Variants in MAF observed in about 807,000 individuals in gnomAD.
MAF encodes the protein MAF bZIP transcription factor, also known as transcription factor Maf.
In MAF, 10 loss-of-function variants were observed where a neutral mutation model predicts 22.0. That is an observed-to-expected ratio of 0.45 (90% CI 0.28 to 0.77). MAF has a LOEUF of 0.77. Ranked by LOEUF, MAF falls within the 30% of genes least tolerant of loss-of-function variation. MAF has a pLI of 0.12. For synonymous variants in MAF, 337 were observed against 255.8 expected (o/e 1.32, Z -3.03); for missense variants, 544 against 548.4 (o/e 0.99, Z 0.08).
At chr16:79,298,075 C>T in the MAF span, among the ~76,000 whole-genome samples, 3 of 152,222 alleles carry the variant, frequency 2.0e-5, no homozygotes, top group African/African-American at 7.2e-5. Flanking sequence ...AATGTCAAGG[C>T]AATGACAGCA....
the MAF span, among the ~76,000 whole-genome samples, chr16:79,522,732 T>C: frequency 1.3e-5 from 2 of 152,196 alleles, no homozygotes; most frequent in South Asian, 2.1e-4. Flanking sequence ...TGGATTGAGA[T>C]CAATCCAACG....
At chr16:79,426,138 G>A in the MAF span, among the ~76,000 whole-genome samples, 1 of 152,086 alleles carries the variant, frequency 6.6e-6, no homozygotes, top group Non-Finnish European at 1.5e-5. Context: ...TCTGGAAGGT[G>A]GAGGTTATAG....
the MAF span, among the ~76,000 whole-genome samples, chr16:79,551,910 A>G: frequency 1.5e-3 from 232 of 152,134 alleles, no homozygotes; most frequent in African/African-American, 5.4e-3. Context: ...TTTCCTGCCA[A>G]TCCCTGGCAT....
chr16:79,205,392 G>C, the MAF span: 78 of 152,282 alleles, frequency 5.1e-4, no homozygotes, highest in African/African-American at 1.8e-3. Flanking sequence ...TTGTGAACCT[G>C]TTGCTAGCAA....
At chr16:79,317,827 A>C in the MAF span, among the ~76,000 whole-genome samples, 2 of 152,154 alleles carry the variant, frequency 1.3e-5, no homozygotes, top group Non-Finnish European at 2.9e-5. Context: ...TGAGAGTTCA[A>C]AGCTGACTGT....
chr16:79,374,773 T>C, the MAF span, among the ~76,000 whole-genome samples: 1 of 152,230 alleles, frequency 6.6e-6, no homozygotes, highest in African/African-American at 2.4e-5. Flanking sequence ...TTTCTCTCTT[T>C]CTTCATCTTT....
chr16:79,485,306 T>C, the MAF span, among the ~76,000 whole-genome samples: 1 of 152,212 alleles, frequency 6.6e-6, no homozygotes, highest in Admixed American at 6.5e-5. Context: ...GGAGTAAATA[T>C]GTTAAGATAC....
chr16:79,423,648 G>C, the MAF span, among the ~76,000 whole-genome samples: 1 of 152,178 alleles, frequency 6.6e-6, no homozygotes, highest in Admixed American at 6.5e-5. Context: ...AACAGAGATA[G>C]CATGTCCCAC....
the MAF span, among the ~76,000 whole-genome samples, chr16:79,213,673 G>A: frequency 6.6e-6 from 1 of 151,912 alleles, no homozygotes; most frequent in Non-Finnish European, 1.5e-5. Context: ...GTCACTCCCA[G>A]AACCGGCATC....
chr16:79,439,692 C>T, the MAF span, among the ~76,000 whole-genome samples: 1 of 152,178 alleles, frequency 6.6e-6, no homozygotes, highest in Admixed American at 6.5e-5. Context: ...GACACTCACT[C>T]AGAAAGAGGT....
At chr16:79,416,638 C>T in the MAF span, among the ~76,000 whole-genome samples, 5 of 152,184 alleles carry the variant, frequency 3.3e-5, no homozygotes, top group African/African-American at 9.6e-5. Flanking sequence ...AAAGGAAAGA[C>T]GTGACTCAGA....
the MAF span, among the ~76,000 whole-genome samples, chr16:79,213,294 G>C: frequency 6.8e-6 from 1 of 146,882 alleles, no homozygotes; most frequent in Non-Finnish European, 1.5e-5. Context: ...GTGCAGAGCA[G>C]TCGAACAAAC....
chr16:79,509,679 G>T, the MAF span, among the ~76,000 whole-genome samples: 1 of 152,244 alleles, frequency 6.6e-6, no homozygotes, highest in East Asian at 1.9e-4. Flanking sequence ...TTCATTCACA[G>T]TGGGGGCCCA....
the MAF span, among the ~76,000 whole-genome samples, chr16:79,403,029 T>A: frequency 6.6e-6 from 1 of 152,090 alleles, no homozygotes; most frequent in African/African-American, 2.4e-5. Flanking sequence ...CTGGGTGAAA[T>A]CCTGCCTCTC....
chr16:79,584,786 A>T (rs1161863566), downstream of MAF, among the ~76,000 whole-genome samples: 1 of 152,246 alleles, frequency 6.6e-6, no homozygotes, highest in Non-Finnish European at 1.5e-5. Context: ...CATTAATTTC[A>T]TCCAAGACTA....
chr16:79,356,830 T>C, the MAF span, among the ~76,000 whole-genome samples: 3 of 152,220 alleles, frequency 2.0e-5, no homozygotes, highest in South Asian at 4.1e-4. Context: ...CTTGCACTTG[T>C]GGGTCTTTTC....
the MAF span, among the ~76,000 whole-genome samples, chr16:79,308,419 G>T: frequency 6.6e-6 from 1 of 152,146 alleles, no homozygotes; most frequent in African/African-American, 2.4e-5. Context: ...CTGTGTGGCT[G>T]CAGGCAGGCT....
chr16:79,498,175 G>A, the MAF span, among the ~76,000 whole-genome samples: 8 of 152,144 alleles, frequency 5.3e-5, no homozygotes, highest in Non-Finnish European at 1.2e-4. Flanking sequence ...CAGTACTTGG[G>A]CACACTTGCT....
At chr16:79,397,793 A>C in the MAF span, among the ~76,000 whole-genome samples, 79,700 of 151,962 alleles carry the variant, frequency 0.52, 21,716 homozygotes, top group East Asian at 0.84. Flanking sequence ...GAAGAAAGGC[A>C]TCCTTAGGAC....
Sources: allele counts gnomAD v4.1 joint callset (sites outside exome capture counted in the v4.1 genomes callset), GRCh38; gene constraint gnomAD v4.1.1; transcripts MANE v1.5; gene names NCBI Gene and HGNC (gene_info 2026-07-23, HGNC 2026-07-21).